ZNF778: variants seen among roughly 807,000 people sequenced by gnomAD.
ZNF778 encodes zinc finger protein 778.
In ZNF778, 37 loss-of-function variants were observed where a neutral mutation model predicts 23.9. That is an observed-to-expected ratio of 1.54 (90% confidence interval 1.19 to 2.03). The LOEUF is 2.03. ZNF778 is among the 30% of genes most tolerant of loss of function. The probability of loss-of-function intolerance (pLI) is 0.00; values close to 1 mark genes in which losing one functional copy is unlikely to be tolerated. For missense variants in ZNF778, 1,297 were observed against 934.4 expected (o/e 1.39, Z -5.06); for synonymous variants, 483 against 343.9 (o/e 1.40, Z -4.48).
rs1421629207 is a variant in ZNF778 at position 89,227,927 on chromosome 16, C to T, written c.1639C>T (p.Leu547=). ...TGGGAAAGCCTACAATAGGGTTTAT[C>T]TACTGAATGAGCATGTGAAAACTCA... The part of the protein sequence containing the change: ...DCGKAYNRVY[L]LNEHVKTHTE... Residue 547 remains leucine, a synonymous_variant, in exon 7 of 7, where the codon CTA becomes TTA. Transcript: ENST00000433976. 1 of 1,614,048 alleles carries T rather than the reference C, an allele frequency of 6.2e-7. No individual in the cohort carries two copies. Among genetic ancestry groups the T allele is most frequent in the Non-Finnish European group, 8.5e-7 (1 of 1,179,986 alleles).
chr16:89,227,592 G>T lies in ZNF778; in HGVS notation c.1304G>T (p.Gly435Val), dbSNP rs568591678. 1.9e-6 allele frequency: 3 copies of T among 1,614,138 alleles called. No individual in the cohort carries two copies. The highest frequency in any genetic ancestry group is 4.5e-5 in the East Asian group (2 of 44,874). ...YCGKAFTVRC[G>V]LTRHVRTHTG... ...GGGAAGGCCTTCACTGTGCGCTGTGGCCTTACTAGACACGTACGAACACAC... is the reference window on the plus strand; with the variant it reads ...GGGAAGGCCTTCACTGTGCGCTGTGTCCTTACTAGACACGTACGAACACAC... Residue 435 changes from glycine (G) to valine (V), a missense_variant, in exon 7 of 7, where the codon GGC becomes GTC. By Grantham distance (109) the Gly-to-Val change is moderately radical. Coordinates refer to ENST00000433976, the MANE Select transcript of ZNF778 (RefSeq NM_001201407.2).
intron 4 of ZNF778, among the ~76,000 whole-genome samples, chr16:89,223,536 G>C (rs2031172333): frequency 2.0e-5 from 3 of 152,162 alleles, no homozygotes; most frequent in Non-Finnish European, 4.4e-5. Context: ...TGTCTCCTGG[G>C]GGTGGGCCTG....
In ZNF778 at chr16:89,227,767, T is replaced by C. The variant is rs752634256; in HGVS notation, c.1479T>C (p.Thr493=). 8 of 1,612,990 alleles carry C rather than the reference T, an allele frequency of 5.0e-6. No individual in the cohort carries two copies. Among genetic ancestry groups the C allele is most frequent in the African/African-American group, 1.3e-5 (1 of 74,844 alleles). The change falls in exon 7 of 7, where the codon ACT becomes ACC. Residue 493 remains threonine, a synonymous_variant. Coordinates refer to ENST00000433976, the MANE Select transcript of ZNF778 (RefSeq NM_001201407.2). ...CCTTCACTGTTTCTTCAAGCCTGAC[T>C]GAGCACGCGAGAATCCATACCGGAG... The part of the protein sequence containing the change: ...GKSFTVSSSL[T]EHARIHTGEK...
Position 89,228,343 on chromosome 16 carries a change from C to G in ZNF778, c.2055C>G (p.Ser685=), listed in dbSNP as rs762585873. 7 of 1,613,700 alleles carry G rather than the reference C, an allele frequency of 4.3e-6. No homozygotes were observed. The highest frequency in any genetic ancestry group is 5.1e-6 in the Non-Finnish European group (6 of 1,179,722). The change falls in exon 7 of 7, where the codon TCC becomes TCG. Residue 685 remains serine, a synonymous_variant. Coordinates refer to ENST00000433976, the MANE Select transcript of ZNF778 (RefSeq NM_001201407.2). ...AGTGTGGGAAAGCCTTCCGTGCCTC[C>G]TCTCACCTGCATAAACATGGAAGAA... ...CNECGKAFRA[S]SHLHKHGRIH... is the part of the protein sequence containing the mutation.
At position 89,228,998 on chromosome 16, in the gene ZNF778, C is replaced by A; in HGVS notation, c.*436C>A. 1 of 994,128 alleles carries A rather than the reference C, an allele frequency of 1.0e-6. No individual in the cohort carries two copies. 61.6% of individuals were successfully genotyped at this position (994,128 alleles called of 1,614,324 possible). A position where few individuals can be genotyped will look rare whatever the true frequency, so the allele number is the denominator to read the frequency against. ...TGTATGGAAGATAGCAGTCGCTTCC[C>A]TGTGTTCTAAAACCTTGTGGGCTAA... On this transcript the variant is annotated 3_prime_UTR_variant, in exon 7 of 7. Transcript: ENST00000433976.
Position 89,236,713 on chromosome 16 carries a change from C to T in ZNF778, c.*8151C>T, listed in dbSNP as rs2032249344. Reference sequence around the variant, plus strand: ...TGGACGGCGTGGAGGTTCCGTGCTCCATTTCAGTGGCAAAATACCATTCCA... The same window carrying T: ...TGGACGGCGTGGAGGTTCCGTGCTCTATTTCAGTGGCAAAATACCATTCCA... On this transcript the variant is annotated 3_prime_UTR_variant, in exon 7 of 7. Transcript: ENST00000433976. The T allele has an allele frequency of 6.6e-6, 1 of 152,196 alleles. No individual in the cohort carries two copies. The highest frequency in any genetic ancestry group is 2.1e-4 in the South Asian group (1 of 4,828). The allele number at this position is 152,196 out of a possible 1,614,324, so 9.4% of individuals were successfully genotyped here.
chr16:89,222,034 G>A (rs1404265493), intron 2 of ZNF778, 58 bp from the exon 3 acceptor site: 4 of 1,277,226 alleles, frequency 3.1e-6, no homozygotes, highest in Admixed American at 2.1e-5. Flanking sequence ...GGGTCCATGA[G>A]TGTGGAATTA....
chr16:89,224,463 C>G lies in ZNF778; in HGVS notation c.245-256C>G, dbSNP rs569539614. Among the ~76,000 whole-genome samples the G allele has an allele frequency of 1.9e-4, 29 of 152,170 alleles. No individual in the cohort carries two copies. The South Asian group carries it at 5.8e-3, about 30-fold the overall frequency. ...TGAAACCCCATCTCTACTAAAAATA[C>G]AAAAAACTAGCCAGGCGTGGTGGCG... On this transcript the variant is annotated intron_variant, in intron 4 of 6. Transcript: ENST00000433976.
chr16:89,218,867 G>C (rs531067945), intron 1 of ZNF778, among the ~76,000 whole-genome samples: 74 of 152,000 alleles, frequency 4.9e-4, no homozygotes, highest in Non-Finnish European at 8.7e-4. Context: ...TAGCACTTTG[G>C]GAGGCCGAGG....
chr16:89,219,072 A>C (rs2030657671), intron 1 of ZNF778, among the ~76,000 whole-genome samples: 1 of 152,012 alleles, frequency 6.6e-6, no homozygotes, highest in Non-Finnish European at 1.5e-5. Context: ...GTGCCATTGC[A>C]CTCCAGCCTG....
chr16:89,226,606 C>A, intron 6 of ZNF778, 88 bp from the exon 7 acceptor site: 1 of 1,223,546 alleles, frequency 8.2e-7, no homozygotes, highest in Non-Finnish European at 1.1e-6. Flanking sequence ...AAATCGTAAT[C>A]ATCATCGTCA....
chr16:89,231,094 A>G lies in ZNF778; in HGVS notation c.*2532A>G, dbSNP rs1490566134. On this transcript the variant is annotated 3_prime_UTR_variant, in exon 7 of 7. Coordinates refer to ENST00000433976, the MANE Select transcript of ZNF778 (RefSeq NM_001201407.2). ...ATGTTACGTGTTTGTTGTGGAGAGG[A>G]GTGGGTTGTGCCATGTTTCTCTTGT... The G allele has an allele frequency of 3.3e-5, 5 of 152,322 alleles. No homozygotes were observed. In the East Asian group the frequency reaches 7.7e-4, roughly 24 times the overall value. The allele number at this position is 152,322 out of a possible 1,614,324, so 9.4% of individuals were successfully genotyped here.
Position 89,227,510 on chromosome 16 carries a change from C to G in ZNF778, c.1222C>G (p.Leu408Val), listed in dbSNP as rs1374607167. 3 of 1,613,858 alleles carry G rather than the reference C, an allele frequency of 1.9e-6. No individual in the cohort carries two copies. The Admixed American group carries it at 5.0e-5, about 27-fold the overall frequency. Residue 408 changes from leucine to valine, a missense_variant, in exon 7 of 7, where the codon CTT (leucine) becomes GTT (valine). Physicochemically the swap from Leu to Val is conservative, Grantham distance 32. Coordinates refer to ENST00000433976, the MANE Select transcript of ZNF778 (RefSeq NM_001201407.2). ...AAAATATTTTAGAAATTCCTCATGC[C>G]TTAATAATCATGTTCGAATTCACAC... ...CGKYFRNSSC[L>V]NNHVRIHTGI...
chr16:89,226,310 A>G (rs559458047), intron 6 of ZNF778, among the ~76,000 whole-genome samples: 2 of 151,924 alleles, frequency 1.3e-5, no homozygotes, highest in South Asian at 4.2e-4. Flanking sequence ...GGTTCAAGCC[A>G]TTCTTCTGCC....
In ZNF778 at chr16:89,218,664, T is replaced by G. The variant is rs984837763; in HGVS notation, c.-132+754T>G. Among the ~76,000 whole-genome samples the G allele has an allele frequency of 3.5e-4, 53 of 151,820 alleles. 2 individuals carry two copies. The highest frequency in any genetic ancestry group is 3.0e-3 in the Admixed American group (46 of 15,238). On this transcript the variant is annotated intron_variant, in intron 1 of 6. Coordinates refer to ENST00000433976, the MANE Select transcript of ZNF778 (RefSeq NM_001201407.2). ...AAATTAGCCGGGCGTGGTGGCGGGC[T>G]CCTGTAGTCCCAGCTACTCTGGAGG...
In ZNF778 at chr16:89,235,664, A is replaced by G. The variant is rs2032214021; in HGVS notation, c.*7102A>G. 2 of 152,228 alleles carry G rather than the reference A, an allele frequency of 1.3e-5. No homozygotes were observed. Among genetic ancestry groups the G allele is most frequent in the African/African-American group, 4.8e-5 (2 of 41,460 alleles). 9.4% of individuals were successfully genotyped at this position (152,228 alleles called of 1,614,324 possible). A position where few individuals can be genotyped will look rare whatever the true frequency, so the allele number is the denominator to read the frequency against. On this transcript the variant is annotated 3_prime_UTR_variant, in exon 7 of 7. Coordinates refer to ENST00000433976, the MANE Select transcript of ZNF778 (RefSeq NM_001201407.2). ...ACTATAATCTTAAATTATTCAGCAT[A>G]TGTGCAACAGCCTTGGGGAGCAGTG...
chr16:89,219,041 A>G (rs2030653888), intron 1 of ZNF778, among the ~76,000 whole-genome samples: 1 of 152,018 alleles, frequency 6.6e-6, no homozygotes, highest in Non-Finnish European at 1.5e-5. Flanking sequence ...TGGGTGGCAC[A>G]GGTTGCGGTG....
Position 89,234,979 on chromosome 16 carries a change from T to C in ZNF778, c.*6417T>C, listed in dbSNP as rs144526969. ...AAATTTATACAACCTTTCCTTTATC[T>C]TCATCAGAAATTTCTTTTCTCCTAA... On this transcript the variant is annotated 3_prime_UTR_variant, in exon 7 of 7. Transcript: ENST00000433976. 2.6e-5 allele frequency: 4 copies of C among 152,336 alleles called. No individual in the cohort carries two copies. In the East Asian group the frequency reaches 7.7e-4, roughly 29 times the overall value. 9.4% of individuals were successfully genotyped at this position (152,336 alleles called of 1,614,324 possible).
chr16:89,225,832 A>G (rs2031427084), intron 6 of ZNF778, among the ~76,000 whole-genome samples: 1 of 152,108 alleles, frequency 6.6e-6, no homozygotes, highest in African/African-American at 2.4e-5. Flanking sequence ...GACACACATC[A>G]GCGCACACAT....
Sources: allele counts gnomAD v4.1 joint callset (sites outside exome capture counted in the v4.1 genomes callset), GRCh38; gene constraint gnomAD v4.1.1; transcripts MANE v1.5; gene names NCBI Gene and HGNC (gene_info 2026-07-23, HGNC 2026-07-21).